Variants in SOAT2 observed in about 807,000 individuals in gnomAD.
SOAT2 encodes sterol O-acyltransferase 2.
Under a neutral mutation model 76.0 loss-of-function variants are expected in SOAT2, and 87 were observed. The ratio of observed to expected loss-of-function variants is 1.14; its 90% CI spans 0.96 to 1.37. The LOEUF is 1.37. Among genes scored for constraint, SOAT2 ranks in the 40% most tolerant of loss-of-function variants. The pLI is 0.00. For synonymous variants in SOAT2, 285 were observed against 275.4 expected, an observed-to-expected ratio of 1.03 and a Z score of -0.34; for missense variants, 686 against 682.1, an observed-to-expected ratio of 1.01 and a Z score of -0.06.
intron 5 of SOAT2, among the ~76,000 whole-genome samples, chr12:53,109,538 G>A (rs939865182): frequency 2.0e-5 from 3 of 152,088 alleles, no homozygotes; most frequent in African/African-American, 7.2e-5. Context: ...CTGGAGTACA[G>A]TGGCATGATC....
At chr12:53,111,197 C>A (rs1592276332) in intron 5 of SOAT2, among the ~76,000 whole-genome samples, 1 of 151,662 alleles carries the variant, frequency 6.6e-6, no homozygotes, top group African/African-American at 2.4e-5. Flanking sequence ...GCTCCGCCTC[C>A]CAGGTTCACG....
chr12:53,115,748 C>T (rs140795321), intron 6 of SOAT2, 94 bp downstream of exon 6: 15 of 1,372,352 alleles, frequency 1.1e-5, no homozygotes, highest in South Asian at 1.5e-5. Flanking sequence ...GCGGGGCCCA[C>T]GAGAGGGAGG....
chr12:53,123,748 CA>C lies in SOAT2; in HGVS notation c.1394del (p.His465LeufsTer12), dbSNP rs557066025. Reference protein sequence around the residue: ...VIGGMLNFMMHDQRTGPAWNV... With the variant: ...VIGGMLNFMMXDQRTGPAWNV... ...ACCAGGAATGTTGAACTTCATGATG[CA>C]TGACCAGCGCACCGGCCCGGCATGG... On this transcript the variant is annotated frameshift_variant, in exon 14 of 15. Coordinates refer to ENST00000301466, the MANE Select transcript of SOAT2 (RefSeq NM_003578.4). LOFTEE classifies it high-confidence loss of function. The C allele has an allele frequency of 1.8e-4, 292 of 1,614,172 alleles. 2 individuals are homozygous for C. The South Asian group carries it at 3.0e-3, about 17-fold the overall frequency.
chr12:53,123,234 C>T lies in SOAT2; in HGVS notation c.1372+18C>T, dbSNP rs925920943. The T allele has an allele frequency of 2.5e-6, 4 of 1,613,100 alleles. No homozygotes were observed. In the African/African-American group the frequency reaches 5.3e-5, roughly 22 times the overall value. Reference sequence around the variant, plus strand: ...CATTGGAGGTGAGCTGGTCTCTGTGCCACTGGAAGGGAGCCATCCAGAGGG... The same window carrying T: ...CATTGGAGGTGAGCTGGTCTCTGTGTCACTGGAAGGGAGCCATCCAGAGGG... On this transcript the variant is annotated intron_variant, in intron 13 of 14. Coordinates refer to ENST00000301466, the MANE Select transcript of SOAT2 (RefSeq NM_003578.4).
At chr12:53,112,120 T>A (rs1938021755) in intron 5 of SOAT2, among the ~76,000 whole-genome samples, 2 of 152,234 alleles carry the variant, frequency 1.3e-5, no homozygotes, top group African/African-American at 4.8e-5. Flanking sequence ...ACTTACATTT[T>A]TTTTTCCCAA....
In SOAT2 at chr12:53,118,696, A is replaced by G. The variant is rs999199144; in HGVS notation, c.864-194A>G. On this transcript the variant is annotated intron_variant, in intron 8 of 14. Coordinates refer to ENST00000301466, the MANE Select transcript of SOAT2 (RefSeq NM_003578.4). ...ACCCATCCTACACACCCTTGTTGAC[A>G]TCCATGCTTAAAACCCACTTGTTAT... 2.6e-5 allele frequency among the ~76,000 whole-genome samples: 4 copies of G among 152,062 alleles called. No homozygotes were observed. In the East Asian group the frequency reaches 5.8e-4, roughly 22 times the overall value.
At chr12:53,122,942 G>C in intron 12 of SOAT2, 139 bp from the exon 13 acceptor site, 2 of 892,418 alleles carry the variant, frequency 2.2e-6, no homozygotes, top group Non-Finnish European at 3.1e-6. Context: ...CCCGGACGGG[G>C]CGGCTGGCCG....
intron 7 of SOAT2, among the ~76,000 whole-genome samples, chr12:53,117,606 G>C (rs1271136332): frequency 6.6e-6 from 1 of 151,958 alleles, no homozygotes; most frequent in Non-Finnish European, 1.5e-5. Flanking sequence ...AGTGATTTTT[G>C]CCGAGGTGAG....
intron 8 of SOAT2, 79 bp from the exon 9 acceptor site, chr12:53,118,811 G>A: frequency 2.0e-6 from 3 of 1,511,382 alleles, no homozygotes; most frequent in Non-Finnish European, 2.8e-6. Context: ...GAGGAGAGAG[G>A]GCCCCAGAAC....
At chr12:53,121,467 T>G (rs1351640247) in intron 12 of SOAT2, 66 bp downstream of exon 12, 14 of 1,308,714 alleles carry the variant, frequency 1.1e-5, no homozygotes, top group Non-Finnish European at 1.5e-5. Context: ...TCCCTCTCCT[T>G]CCCTCCTGCT....
At chr12:53,120,650 T>C in intron 10 of SOAT2, 136 bp from the exon 11 acceptor site, 1 of 625,386 alleles carries the variant, frequency 1.6e-6, no homozygotes, top group South Asian at 1.8e-5. Flanking sequence ...TGCATAAATT[T>C]GTGAATTACC....
intron 12 of SOAT2, among the ~76,000 whole-genome samples, chr12:53,122,643 T>G (rs1268603882): frequency 1.3e-5 from 2 of 151,828 alleles, no homozygotes; most frequent in South Asian, 4.2e-4. Flanking sequence ...GAGCACAGGG[T>G]TGGGGGTAAG....
intron 10 of SOAT2, among the ~76,000 whole-genome samples, chr12:53,120,500 G>A (rs1335209774): frequency 2.6e-5 from 4 of 151,636 alleles, no homozygotes; most frequent in Non-Finnish European, 4.4e-5. Flanking sequence ...TTAGCTGGGA[G>A]TGGTGGCTCA....
At position 53,120,786 on chromosome 12, in the gene SOAT2, G is replaced by T; in HGVS notation, c.1040G>T (p.Gly347Val). ...GCAGCCTCTTGTCCCCAACCACCAG[G>T]CATCTTCATGCTGCTGCTCATCTTC... ...VLSILHATLP[G>V]IFMLLLIFFA... The change falls in exon 11 of 15, where the codon GGC (glycine) becomes GTC (valine). Residue 347 changes from glycine to valine, a missense_variant and splice_region_variant. By Grantham distance (109) the Gly-to-Val change is moderately radical (BLOSUM62 -3). Transcript: ENST00000301466. 1 of 1,613,046 alleles carries T rather than the reference G, an allele frequency of 6.2e-7. No homozygotes were observed. The highest frequency in any genetic ancestry group is 1.1e-5 in the South Asian group (1 of 91,052).
Position 53,106,051 on chromosome 12 carries a change from C to T in SOAT2, c.443+37C>T, listed in dbSNP as rs763123487. The T allele has an allele frequency of 2.1e-6, 3 of 1,462,678 alleles. No individual in the cohort carries two copies. The South Asian group carries it at 3.4e-5, about 17-fold the overall frequency. 90.6% of individuals were successfully genotyped at this position (1,462,678 alleles called of 1,614,324 possible). On this transcript the variant is annotated intron_variant, in intron 5 of 14. Coordinates refer to ENST00000301466, the MANE Select transcript of SOAT2 (RefSeq NM_003578.4). ...TCCCACCTGGGACAGGCACACCTAT[C>T]TGATCAGACCCTCTGGGTCCTCAGT...
At position 53,105,923 on chromosome 12, in the gene SOAT2, C is replaced by T; in HGVS notation, c.352C>T (p.Gln118Ter). ...KSLLDELMEV[Q>*]HFRTIYHMFI... ...TCCCTCTAGTGAGCTGATGGAGGTG[C>T]AGCATTTCCGCACCATCTACCACAT... The change falls in exon 5 of 15, where the codon CAG becomes TAG. Residue 118 changes from glutamine (Q) to a stop codon, truncating the protein, a stop_gained. Coordinates refer to ENST00000301466, the MANE Select transcript of SOAT2 (RefSeq NM_003578.4). LOFTEE classifies it high-confidence loss of function. 2 of 1,613,994 alleles carry T rather than the reference C, an allele frequency of 1.2e-6. No individual in the cohort carries two copies. Among genetic ancestry groups the T allele is most frequent in the African/African-American group, 1.3e-5 (1 of 75,056 alleles).
intron 10 of SOAT2, among the ~76,000 whole-genome samples, chr12:53,120,464 C>T (rs1938173619): frequency 6.6e-6 from 1 of 151,316 alleles, no homozygotes; most frequent in Admixed American, 6.6e-5. Flanking sequence ...GACTCCGTCT[C>T]AAAAAAATAA....
rs767168796 is a variant in SOAT2 at position 53,121,335 on chromosome 12, C to G, written c.1170C>G (p.Tyr390Ter). 1.2e-6 allele frequency: 2 copies of G among 1,614,080 alleles called. No homozygotes were observed. The highest frequency in any genetic ancestry group is 2.7e-5 in the African/African-American group (2 of 74,936). Reference sequence around the variant, plus strand: ...GGAACTCAACGTCCTTCTCCAACTACTACCGCACTTGGAACGTGGTGGTCC... The same window carrying G: ...GGAACTCAACGTCCTTCTCCAACTAGTACCGCACTTGGAACGTGGTGGTCC... ...DWWNSTSFSN[Y>*]YRTWNVVVHD... Residue 390 changes from tyrosine to a stop codon, truncating the protein, a stop_gained, in exon 12 of 15, where the codon TAC (tyrosine) becomes TAG (stop). Coordinates refer to ENST00000301466, the MANE Select transcript of SOAT2 (RefSeq NM_003578.4). LOFTEE classifies it high-confidence loss of function.
chr12:53,120,472 T>A lies in SOAT2; in HGVS notation c.1040-314T>A, dbSNP rs926150946. Among the ~76,000 whole-genome samples, 9 of 151,438 alleles carry A rather than the reference T, an allele frequency of 5.9e-5. No individual in the cohort carries two copies. The East Asian group carries it at 1.7e-3, about 29-fold the overall frequency. On this transcript the variant is annotated intron_variant, in intron 10 of 14. Transcript: ENST00000301466. ...AGAGAGAGACTCCGTCTCAAAAAAA[T>A]AATAATAATAAAAAAAATTAGCTGG... is the stretch of plus-strand genomic sequence containing the variant.
Sources: gnomAD v4.1 joint callset for allele counts (sites outside exome capture counted in the v4.1 genomes callset) on GRCh38, gnomAD v4.1.1 for gene constraint, MANE v1.5 for transcripts, NCBI Gene and HGNC (gene_info 2026-07-23, HGNC 2026-07-21) for gene names.